Variants in INSL6 observed in about 807,000 individuals in gnomAD.
INSL6 encodes the protein insulin like 6.
In INSL6, 16 loss-of-function variants were observed where a neutral mutation model predicts 9.4. The ratio of observed to expected loss-of-function variants is 1.70; its 90% confidence interval spans 1.15 to 2.59. The LOEUF is 2.59. INSL6 is among the 30% of genes most tolerant of loss of function. The probability of loss-of-function intolerance (pLI) is 0.00; values close to 1 mark genes in which losing one functional copy is unlikely to be tolerated. For synonymous variants in INSL6, 154 were observed against 96.9 expected (o/e 1.59, Z -3.46); for missense variants, 391 against 257.3 (o/e 1.52, Z -3.56).
At chr9:5,045,132 T>C in the INSL6 span, among the ~76,000 whole-genome samples, 2 of 152,232 alleles carry the variant, frequency 1.3e-5, no homozygotes, top group African/African-American at 4.8e-5. Flanking sequence ...ATTTTGTCAT[T>C]AAATAACTTG....
chr9:5,143,906 C>T (rs1824551220), intron 2 of INSL6, among the ~76,000 whole-genome samples: 1 of 152,050 alleles, frequency 6.6e-6, no homozygotes, highest in African/African-American at 2.4e-5. Context: ...GTAATACACC[C>T]GCCTCAGCCT....
chr9:5,160,592 A>C (rs1269376040), downstream of INSL6, among the ~76,000 whole-genome samples: 1 of 152,164 alleles, frequency 6.6e-6, no homozygotes, highest in Non-Finnish European at 1.5e-5. Flanking sequence ...AAAATAAATA[A>C]TAAACATCAT....
the INSL6 span, among the ~76,000 whole-genome samples, chr9:4,993,879 A>C: frequency 6.6e-6 from 1 of 152,184 alleles, no homozygotes; most frequent in Admixed American, 6.5e-5. Context: ...CGGGTGCTCC[A>C]ATTTCCTCCC....
chr9:5,175,953 T>C (rs1825295047), intron 1 of INSL6, among the ~76,000 whole-genome samples: 1 of 152,156 alleles, frequency 6.6e-6, no homozygotes, highest in Non-Finnish European at 1.5e-5. Flanking sequence ...TGCGCTTGGA[T>C]CATCTGAAAA....
At chr9:5,061,224 G>A in the INSL6 span, among the ~76,000 whole-genome samples, 10 of 152,338 alleles carry the variant, frequency 6.6e-5, no homozygotes, top group East Asian at 1.2e-3. Context: ...TGAATTTCAA[G>A]TCACCAATGG....
chr9:5,052,490 G>T, the INSL6 span, among the ~76,000 whole-genome samples: 2 of 151,788 alleles, frequency 1.3e-5, no homozygotes, highest in African/African-American at 4.8e-5. Flanking sequence ...AGAGTTTATT[G>T]AGATAATTTA....
Position 5,185,472 on chromosome 9 carries a change from AG to A in INSL6, c.130del (p.Leu44SerfsTer21), listed in dbSNP as rs1564059773. The A allele has an allele frequency of 6.2e-7, 1 of 1,614,132 alleles. No homozygotes were observed. On this transcript the variant is annotated frameshift_variant, in exon 1 of 2. Coordinates refer to ENST00000381641, the MANE Select transcript of INSL6 (RefSeq NM_007179.3). LOFTEE classifies it high-confidence loss of function. ...GRYLVKEIEK[L>X]CGHANWSQFR... ...CTGGCTCCAGTTGGCATGGCCGCAG[AG>A]TTTTTCTATTTCTTTCACCAAGTAC...
chr9:5,012,700 C>T, the INSL6 span, among the ~76,000 whole-genome samples: 3 of 152,098 alleles, frequency 2.0e-5, no homozygotes, highest in East Asian at 1.9e-4. Context: ...AAGAATAGAT[C>T]GTTTGACAAG....
chr9:5,082,962 A>T, the INSL6 span, among the ~76,000 whole-genome samples: 1 of 152,206 alleles, frequency 6.6e-6, no homozygotes, highest in Non-Finnish European at 1.5e-5. Flanking sequence ...TTCTACATAG[A>T]CACAGTAACA....
At chr9:5,145,662 CTCT>C (rs1461656826) in intron 2 of INSL6, among the ~76,000 whole-genome samples, 1 of 152,186 alleles carries the variant, frequency 6.6e-6, no homozygotes, top group Non-Finnish European at 1.5e-5. Flanking sequence ...TTCCTTTTCA[CTCT>C]TTTTTCTCTA....
the INSL6 span, among the ~76,000 whole-genome samples, chr9:5,086,612 C>T: frequency 4.6e-5 from 7 of 152,084 alleles, no homozygotes; most frequent in African/African-American, 1.7e-4. Context: ...AATTCCTTGG[C>T]TTCTCTACCC....
At chr9:5,055,817 T>A in the INSL6 span, 1 of 1,581,498 alleles carries the variant, frequency 6.3e-7, no homozygotes, top group Non-Finnish European at 8.6e-7. Flanking sequence ...TGAATAATGG[T>A]TTCATTTTAT....
the INSL6 span, among the ~76,000 whole-genome samples, chr9:5,030,193 C>G: frequency 2.6e-5 from 4 of 152,230 alleles, no homozygotes; most frequent in East Asian, 1.9e-4. Flanking sequence ...CCTTTATTAA[C>G]AAAATCCTAA....
intron 1 of INSL6, among the ~76,000 whole-genome samples, chr9:5,172,583 G>C (rs1470153153): frequency 1.3e-5 from 2 of 152,162 alleles, no homozygotes; most frequent in African/African-American, 4.8e-5. Flanking sequence ...CTAATATCCA[G>C]AATCTACAAG....
chr9:5,079,280 C>G, the INSL6 span, among the ~76,000 whole-genome samples: 8 of 131,902 alleles, frequency 6.1e-5, no homozygotes, highest in African/African-American at 3.4e-4. Flanking sequence ...GTCAATCAAT[C>G]TATTTGTCTG....
At chr9:5,175,366 T>C (rs1825275232) in intron 1 of INSL6, among the ~76,000 whole-genome samples, 1 of 152,216 alleles carries the variant, frequency 6.6e-6, no homozygotes, top group Non-Finnish European at 1.5e-5. Context: ...CTAACAGGTC[T>C]CTCTGTTTCT....
downstream of INSL6, among the ~76,000 whole-genome samples, chr9:5,162,753 A>G (rs982991328): frequency 1.3e-5 from 2 of 152,366 alleles, no homozygotes; most frequent in Non-Finnish European, 2.9e-5. Flanking sequence ...TGACACAGAT[A>G]TAAGTGGAAA....
the INSL6 span, among the ~76,000 whole-genome samples, chr9:5,036,743 T>TA: frequency 6.6e-6 from 1 of 152,140 alleles, no homozygotes; most frequent in Non-Finnish European, 1.5e-5. Flanking sequence ...ATGTTAGACC[T>TA]AAAACCATAA....
At chr9:5,096,342 A>G in the INSL6 span, among the ~76,000 whole-genome samples, 7 of 152,200 alleles carry the variant, frequency 4.6e-5, no homozygotes, top group Non-Finnish European at 1.0e-4. Flanking sequence ...AACAAACCCA[A>G]GGACTGCAAA....
Sources: gnomAD v4.1 joint callset for allele counts (sites outside exome capture counted in the v4.1 genomes callset) on GRCh38, gnomAD v4.1.1 for gene constraint, MANE v1.5 for transcripts, NCBI Gene and HGNC (gene_info 2026-07-23, HGNC 2026-07-21) for gene names.